Variants in ZNF684 observed in about 807,000 individuals in gnomAD.
ZNF684 encodes the protein zinc finger protein 684, also known as hypothetical protein MGC27466.
In ZNF684, 13 loss-of-function variants were observed where a neutral mutation model predicts 12.8. The observed-to-expected ratio is 1.02, with a 90% CI of 0.66 to 1.62. The LOEUF (loss-of-function observed/expected upper bound fraction) is 1.62, where lower values mean the gene tolerates loss of function less well. Among genes scored for constraint, ZNF684 ranks in the 40% most tolerant of loss-of-function variants. The pLI is 0.00. For missense variants in ZNF684, 384 were observed against 446.9 expected (o/e 0.86, Z 1.27); for synonymous variants, 118 against 151.8 (o/e 0.78, Z 1.64).
Position 40,540,725 on chromosome 1 carries a change from A to T in ZNF684, c.142+13A>T. ...CTCATCTCAGTGGGTAAGGACAATG[A>T]GTGGTAACTTTTCAGTGTAATTCAG... On this transcript the variant is annotated intron_variant, in intron 3 of 4. Coordinates refer to ENST00000372699, the MANE Select transcript of ZNF684 (RefSeq NM_152373.4). The T allele has an allele frequency of 6.3e-7, 1 of 1,582,762 alleles. No homozygotes were observed. Among genetic ancestry groups the T allele is most frequent in the Non-Finnish European group, 8.6e-7 (1 of 1,165,748 alleles).
chr1:40,547,251 A>C lies in ZNF684; in HGVS notation c.928A>C (p.Asn310His). The C allele has an allele frequency of 6.2e-7, 1 of 1,614,188 alleles. No homozygotes were observed. The highest frequency in any genetic ancestry group is 1.7e-5 in the Admixed American group (1 of 60,014). ...TATCATATGTGGCAAAGCTTTTGGC[A>C]ACACATCCGTGCTTGTTACACACCA... ...QCIICGKAFG[N>H]TSVLVTHQRI... is the part of the protein sequence containing the mutation. The change falls in exon 5 of 5, where the codon AAC becomes CAC. Residue 310 changes from asparagine to histidine, a missense_variant. Coordinates refer to ENST00000372699, the MANE Select transcript of ZNF684 (RefSeq NM_152373.4).
intron 4 of ZNF684, among the ~76,000 whole-genome samples, chr1:40,545,531 T>C (rs910784263): frequency 2.0e-5 from 3 of 152,104 alleles, no homozygotes; most frequent in African/African-American, 7.2e-5. Flanking sequence ...ATAGACAGAA[T>C]CTGTTTGCTG....
At chr1:40,532,832 C>T (rs890149004) in intron 1 of ZNF684, among the ~76,000 whole-genome samples, 1 of 152,042 alleles carries the variant, frequency 6.6e-6, no homozygotes, top group Non-Finnish European at 1.5e-5. Flanking sequence ...TTCATTATTT[C>T]TTCAGGATAA....
At chr1:40,536,673 C>A (rs1645987413) in intron 2 of ZNF684, among the ~76,000 whole-genome samples, 1 of 123,744 alleles carries the variant, frequency 8.1e-6, no homozygotes, top group African/African-American at 3.0e-5. Flanking sequence ...CTCCCCCCAC[C>A]CCACAACAGG....
chr1:40,533,823 C>CTTTTT (rs574077502), intron 2 of ZNF684, among the ~76,000 whole-genome samples: 17 of 123,906 alleles, frequency 1.4e-4, no homozygotes, highest in East Asian at 4.8e-4. Flanking sequence ...GTTAGGTATT[C>CTTTTT]TTTTTTTTTT....
At position 40,547,417 on chromosome 1, in the gene ZNF684, C is replaced by G; in HGVS notation, c.1094C>G (p.Ser365Cys). The stretch of plus-strand genomic sequence containing the variant: ...TGTAACAGATGTGGGAAAGCATTTT[C>G]CCAGAAGTCAAATCTTATTGTACAT... ...YECNRCGKAF[S>C]QKSNLIVHQK... The change falls in exon 5 of 5, where the codon TCC becomes TGC. Residue 365 changes from serine (S) to cysteine (C), a missense_variant. Transcript: ENST00000372699. 6.2e-7 allele frequency: 1 copy of G among 1,610,992 alleles called. No homozygotes were observed. The highest frequency in any genetic ancestry group is 8.5e-7 in the Non-Finnish European group (1 of 1,177,992).
At chr1:40,534,198 C>T (rs1426321473) in intron 2 of ZNF684, among the ~76,000 whole-genome samples, 2 of 148,770 alleles carry the variant, frequency 1.3e-5, no homozygotes, top group African/African-American at 4.9e-5. Flanking sequence ...TTCAATGAGT[C>T]CTATTTATTC....
chr1:40,537,647 G>T (rs1361165470), intron 2 of ZNF684, among the ~76,000 whole-genome samples: 1 of 152,060 alleles, frequency 6.6e-6, no homozygotes, highest in Non-Finnish European at 1.5e-5. Flanking sequence ...GGAGGCTGAG[G>T]CATGAGAATC....
chr1:40,534,822 ATC>A (rs1324181533), intron 2 of ZNF684, among the ~76,000 whole-genome samples: 1 of 151,056 alleles, frequency 6.6e-6, no homozygotes, highest in Non-Finnish European at 1.5e-5. Flanking sequence ...GCAAGACCCC[ATC>A]TCTAGAAAAA....
chr1:40,542,912 CTCTTTCAAATGATTGACATA>C (rs1212400644), intron 4 of ZNF684, among the ~76,000 whole-genome samples: 2 of 152,178 alleles, frequency 1.3e-5, no homozygotes, highest in Admixed American at 6.5e-5. Flanking sequence ...CACAAAAGAA[CTCTTTCAAATGATTGACATA>C]TCTTTCAAAT....
At position 40,533,193 on chromosome 1, in the gene ZNF684, A is replaced by G. The variant is rs1411729793; in HGVS notation, c.15+12A>G. On this transcript the variant is annotated intron_variant, in intron 2 of 4. Coordinates refer to ENST00000372699, the MANE Select transcript of ZNF684 (RefSeq NM_152373.4). ...TGATCAGCTTCCAGGTAAGGTATCC[A>G]TCTATTCATCCAGTTGTTTAAATCT... 3.1e-6 allele frequency: 5 copies of G among 1,613,058 alleles called. No homozygotes were observed. The highest frequency in any genetic ancestry group is 4.2e-6 in the Non-Finnish European group (5 of 1,179,376).
intron 4 of ZNF684, chr1:40,544,556 T>A (rs1421833143): frequency 7.6e-6 from 2 of 264,486 alleles, no homozygotes; most frequent in Non-Finnish European, 1.5e-5. Context: ...TTCACCATGT[T>A]GGCCAGGATG....
At chr1:40,545,915 CTTTTTTTTT>C (rs55993619) in intron 4 of ZNF684, among the ~76,000 whole-genome samples, 5 of 67,906 alleles carry the variant, frequency 7.4e-5, no homozygotes, top group Non-Finnish European at 1.1e-4. Context: ...GTCTCCTTTT[CTTTTTTTTT>C]TTTTTTTTTT....
Position 40,547,282 on chromosome 1 carries a change from T to C in ZNF684, c.959T>C (p.Ile320Thr). ...TCCGTGCTTGTTACACACCAAAGAA[T>C]TCATACAGGAGAGAAACCTTACAGT... ...NTSVLVTHQR[I>T]HTGEKPYSCI... is the part of the protein sequence containing the mutation. Residue 320 changes from isoleucine to threonine, a missense_variant, in exon 5 of 5, where the codon ATT (isoleucine) becomes ACT (threonine). Coordinates refer to ENST00000372699, the MANE Select transcript of ZNF684 (RefSeq NM_152373.4). 6.2e-7 allele frequency: 1 copy of C among 1,614,150 alleles called. No homozygotes were observed. Among genetic ancestry groups the C allele is most frequent in the Non-Finnish European group, 8.5e-7 (1 of 1,180,014 alleles).
At chr1:40,542,500 T>G (rs563101281) in intron 4 of ZNF684, among the ~76,000 whole-genome samples, 2 of 152,188 alleles carry the variant, frequency 1.3e-5, no homozygotes, top group Non-Finnish European at 2.9e-5. Flanking sequence ...CCTTTCTTAC[T>G]GCTTATTCAC....
At chr1:40,535,217 A>G (rs1645977715) in intron 2 of ZNF684, among the ~76,000 whole-genome samples, 1 of 152,228 alleles carries the variant, frequency 6.6e-6, no homozygotes, top group Non-Finnish European at 1.5e-5. Context: ...ATAAACAGCC[A>G]TCCTGTGGTA....
Position 40,546,546 on chromosome 1 carries a change from T to G in ZNF684, c.239-16T>G. 7.2e-6 allele frequency: 11 copies of G among 1,520,786 alleles called. No individual in the cohort carries two copies. Among genetic ancestry groups the G allele is most frequent in the Non-Finnish European group, 9.6e-6 (11 of 1,139,996 alleles). The allele number at this position is 1,520,786 out of a possible 1,614,324, so 94.2% of individuals were successfully genotyped here. A position where few individuals can be genotyped will look rare whatever the true frequency, so the allele number is the denominator to read the frequency against. ...GGAAAAAGTAACTAGGAATGTTTTG[T>G]TGTACTCCTTTTTAGAATCTGACTA... On this transcript the variant is annotated splice_polypyrimidine_tract_variant and intron_variant, in intron 4 of 4. Transcript: ENST00000372699.
intron 2 of ZNF684, among the ~76,000 whole-genome samples, chr1:40,536,745 T>C (rs939671661): frequency 9.5e-5 from 14 of 147,948 alleles, no homozygotes; most frequent in Non-Finnish European, 1.6e-4. Context: ...TTCCCACCTA[T>C]GAGTGAGAAT....
Position 40,547,796 on chromosome 1 carries a change from A to G in ZNF684, c.*336A>G, listed in dbSNP as rs1365012635. Reference sequence around the variant, plus strand: ...GTGAGTTTAAAATATATGCTTATACATTATATTAAAGTATGCCTATTAACA... The same window carrying G: ...GTGAGTTTAAAATATATGCTTATACGTTATATTAAAGTATGCCTATTAACA... On this transcript the variant is annotated 3_prime_UTR_variant, in exon 5 of 5. Coordinates refer to ENST00000372699, the MANE Select transcript of ZNF684 (RefSeq NM_152373.4). The G allele has an allele frequency of 5.8e-6, 1 of 172,252 alleles. No homozygotes were observed. Among genetic ancestry groups the G allele is most frequent in the Non-Finnish European group, 1.2e-5 (1 of 80,652 alleles). The allele number at this position is 172,252 out of a possible 1,614,324, so 10.7% of individuals were successfully genotyped here.
Sources: allele counts gnomAD v4.1 joint callset (sites outside exome capture counted in the v4.1 genomes callset), GRCh38; gene constraint gnomAD v4.1.1; transcripts MANE v1.5; gene names NCBI Gene and HGNC (gene_info 2026-07-23, HGNC 2026-07-21).